Variants in DGKI observed in about 807,000 individuals in gnomAD.
The protein encoded by DGKI is DAG kinase iota.
A neutral mutation model predicts 147.5 loss-of-function variants in DGKI; 55 were observed. The ratio of observed to expected loss-of-function variants is 0.37; its 90% CI spans 0.30 to 0.47. The LOEUF (loss-of-function observed/expected upper bound fraction) is 0.47. Among genes scored for constraint, DGKI ranks in the 20% least tolerant of loss-of-function variants. DGKI has a pLI of 1.00. For synonymous variants in DGKI, 469 were observed against 477.1 expected (o/e 0.98, Z 0.22); for missense variants, 1,007 against 1,323.8 (o/e 0.76, Z 3.71).
chr7:137,843,303 G>T, intron 1 of DGKI: 1 of 414,498 alleles, frequency 2.4e-6, no homozygotes, highest in Non-Finnish European at 3.2e-6. Flanking sequence ...TTCCTACACA[G>T]TATATAGTCA....
At chr7:137,487,273 A>C (rs1268216283) in intron 22 of DGKI, among the ~76,000 whole-genome samples, 1 of 152,148 alleles carries the variant, frequency 6.6e-6, no homozygotes, top group Non-Finnish European at 1.5e-5. Flanking sequence ...ATTAAATATC[A>C]CTGTTTTCTT....
chr7:137,689,593 G>A (rs530885510), intron 2 of DGKI, among the ~76,000 whole-genome samples: 1 of 152,300 alleles, frequency 6.6e-6, no homozygotes, highest in East Asian at 1.9e-4. Flanking sequence ...TCAATTCATC[G>A]TCAACTTGGC....
chr7:137,810,164 G>A (rs1281884815), intron 1 of DGKI, among the ~76,000 whole-genome samples: 1 of 152,198 alleles, frequency 6.6e-6, no homozygotes, highest in Admixed American at 6.5e-5. Flanking sequence ...ATAGAAAATA[G>A]TATGACTTAG....
At chr7:137,750,257 T>G (rs13306881) in intron 1 of DGKI, among the ~76,000 whole-genome samples, 41,590 of 151,748 alleles carry the variant, frequency 0.27, 5,770 homozygotes, top group Middle Eastern at 0.37. Context: ...AGCTGGTGAG[T>G]AGGTAGTGCT....
At chr7:137,818,174 C>A (rs148777249) in intron 1 of DGKI, among the ~76,000 whole-genome samples, 1 of 152,186 alleles carries the variant, frequency 6.6e-6, no homozygotes, top group Non-Finnish European at 1.5e-5. Context: ...CGAAAGCAAA[C>A]AAGCAACTCA....
In DGKI at chr7:137,400,227, T is replaced by C. The variant is rs990248410; in HGVS notation, c.2921-2814A>G. On this transcript the variant is annotated intron_variant, in intron 30 of 32. Transcript: ENST00000614521. ...GTCAGCAAGGGGCTTAAGTACCCAA[T>C]GGTCCTCTTAAAGAGTGCCTGTCGC... 6.6e-5 allele frequency among the ~76,000 whole-genome samples: 10 copies of C among 152,234 alleles called. 1 individual carries two copies. The highest frequency in any genetic ancestry group is 2.4e-4 in the African/African-American group (10 of 41,464).
intron 20 of DGKI, among the ~76,000 whole-genome samples, chr7:137,551,046 A>G (rs1346753775): frequency 1.3e-5 from 2 of 152,212 alleles, no homozygotes; most frequent in East Asian, 3.8e-4. Context: ...GGCACGGAGG[A>G]CAGGAGGAAT....
chr7:137,814,915 CA>C (rs1482506234), intron 1 of DGKI, among the ~76,000 whole-genome samples: 1 of 152,116 alleles, frequency 6.6e-6, no homozygotes, highest in East Asian at 1.9e-4. Context: ...CCTTCAGCAG[CA>C]ATTCCTGCCA....
At chr7:137,662,259 TC>T (rs200374192) in intron 3 of DGKI, among the ~76,000 whole-genome samples, 24 of 148,200 alleles carry the variant, frequency 1.6e-4, no homozygotes, top group African/African-American at 5.4e-4. Context: ...TTTTTTTTTT[TC>T]GAGACAGAGT....
chr7:137,572,573 A>C (rs539889881), intron 18 of DGKI, among the ~76,000 whole-genome samples, 192 bp downstream of exon 18: 1 of 152,322 alleles, frequency 6.6e-6, no homozygotes, highest in East Asian at 1.9e-4. Flanking sequence ...CACATGACGC[A>C]CAAAACCACC....
Position 137,656,496 on chromosome 7 carries a change from G to A in DGKI, c.651C>T (p.Val217=), listed in dbSNP as rs1822227976. The change falls in exon 4 of 33, where the codon GTC becomes GTT. Residue 217 remains valine, a synonymous_variant. Coordinates refer to ENST00000614521, the MANE Select transcript of DGKI (RefSeq NM_001321708.2). ...RRKCAVCKIV[V]HTACIEQLEK... ...CTAGCTGCTCAATGCAGGCGGTGTG[G>A]ACGACGATTTTACAGACTGCACACT... The A allele has an allele frequency of 1.2e-6, 2 of 1,613,980 alleles. No homozygotes were observed. Among genetic ancestry groups the A allele is most frequent in the Middle Eastern group, 1.6e-4 (1 of 6,084 alleles).
intron 22 of DGKI, among the ~76,000 whole-genome samples, chr7:137,486,420 G>A (rs1815561378): frequency 6.6e-6 from 1 of 152,072 alleles, no homozygotes; most frequent in South Asian, 2.1e-4. Context: ...TTTCTGGAGT[G>A]AGATTCCACA....
chr7:137,812,215 C>G (rs560885701), intron 1 of DGKI, among the ~76,000 whole-genome samples: 18 of 152,240 alleles, frequency 1.2e-4, no homozygotes, highest in African/African-American at 4.3e-4. Flanking sequence ...AATCTAGCTC[C>G]AAGTCTTTGA....
chr7:137,558,028 T>C (rs557089325), intron 19 of DGKI, among the ~76,000 whole-genome samples: 1 of 152,360 alleles, frequency 6.6e-6, no homozygotes, highest in South Asian at 2.1e-4. Flanking sequence ...ATCCCATAAC[T>C]AGCCTCCTGT....
intron 12 of DGKI, among the ~76,000 whole-genome samples, chr7:137,596,626 C>T (rs1819807606): frequency 6.6e-6 from 1 of 152,130 alleles, no homozygotes; most frequent in South Asian, 2.1e-4. Flanking sequence ...TGCTGTAAGA[C>T]ATTATAATGA....
At chr7:137,439,750 C>G (rs1585116809) in intron 28 of DGKI, among the ~76,000 whole-genome samples, 1 of 152,132 alleles carries the variant, frequency 6.6e-6, no homozygotes, top group Non-Finnish European at 1.5e-5. Flanking sequence ...TCCAAATAGC[C>G]ATTACTGCAA....
chr7:137,616,921 C>T lies in DGKI; in HGVS notation c.993+2903G>A, dbSNP rs75432232. ...AAGAGTGAAAATTGGAAAACGACTC[C>T]TTGGCAACCCCTAATGCAATAATAG... On this transcript the variant is annotated intron_variant, in intron 8 of 32. Transcript: ENST00000614521. Among the ~76,000 whole-genome samples the T allele has an allele frequency of 3.4e-3, 516 of 151,714 alleles. 4 individuals are homozygous for T. The highest frequency in any genetic ancestry group is 0.011 in the African/African-American group (449 of 41,414).
intron 21 of DGKI, among the ~76,000 whole-genome samples, chr7:137,505,608 G>C (rs1017233346): frequency 2.0e-5 from 3 of 151,096 alleles, no homozygotes; most frequent in Non-Finnish European, 1.5e-5. Context: ...TTGTTTCAGA[G>C]TGTAAATTTG....
chr7:137,508,112 A>G (rs1487339858), intron 21 of DGKI, among the ~76,000 whole-genome samples: 1 of 150,432 alleles, frequency 6.6e-6, no homozygotes, highest in Admixed American at 6.6e-5. Context: ...TCTCAAAAGG[A>G]TGGGTAGATA....
Sources: allele counts gnomAD v4.1 joint callset (sites outside exome capture counted in the v4.1 genomes callset), GRCh38; gene constraint gnomAD v4.1.1; transcripts MANE v1.5; gene names NCBI Gene and HGNC (gene_info 2026-07-23, HGNC 2026-07-21).